NOX4: variants seen among roughly 807,000 people sequenced by gnomAD.
NOX4 encodes the protein kidney oxidase-1.
NOX4 carries 69 observed loss-of-function variants against 87.6 expected under a neutral mutation model. The ratio of observed to expected loss-of-function variants is 0.79; its 90% CI spans 0.65 to 0.96. NOX4 has a LOEUF of 0.96. Ranked by LOEUF, NOX4 falls within the 40% of genes least tolerant of loss-of-function variation. The probability of loss-of-function intolerance (pLI) is 0.00; values close to 1 mark genes in which losing one functional copy is unlikely to be tolerated. For missense variants in NOX4, 680 were observed against 681.5 expected (o/e 1.00, Z 0.02); for synonymous variants, 275 against 238.2 (o/e 1.15, Z -1.42).
At chr11:89,418,749 T>G (rs1942930787) in intron 8 of NOX4, among the ~76,000 whole-genome samples, 1 of 151,950 alleles carries the variant, frequency 6.6e-6, no homozygotes, top group East Asian at 1.9e-4. Context: ...TAAGACAGAA[T>G]GGACATCTTC....
intron 8 of NOX4, among the ~76,000 whole-genome samples, chr11:89,408,228 C>T (rs995281587): frequency 1.3e-5 from 2 of 152,032 alleles, no homozygotes; most frequent in African/African-American, 4.8e-5. Context: ...ATAATAAGTG[C>T]TCAATAAATA....
intron 2 of NOX4, among the ~76,000 whole-genome samples, chr11:89,452,400 A>G (rs1321142300): frequency 6.6e-6 from 1 of 151,682 alleles, no homozygotes; most frequent in African/African-American, 2.4e-5. Context: ...CACTAACTCT[A>G]CTCATCTTTC....
chr11:89,372,615 T>C (rs1477910645), intron 12 of NOX4, among the ~76,000 whole-genome samples: 1 of 152,004 alleles, frequency 6.6e-6, no homozygotes, highest in East Asian at 1.9e-4. Context: ...AAATTCTGTC[T>C]TTTCTGTGAA....
chr11:89,387,094 C>T (rs1940767011), intron 11 of NOX4, among the ~76,000 whole-genome samples: 1 of 152,030 alleles, frequency 6.6e-6, no homozygotes, highest in African/African-American at 2.4e-5. Context: ...TGAGAAACAT[C>T]GCCGATTATC....
At chr11:89,553,926 A>G in the NOX4 span, among the ~76,000 whole-genome samples, 1 of 150,918 alleles carries the variant, frequency 6.6e-6, no homozygotes, top group African/African-American at 2.4e-5. Context: ...ACTTGGAGGG[A>G]AGTGCCTACC....
chr11:89,401,765 C>T (rs1941867951), intron 9 of NOX4, among the ~76,000 whole-genome samples: 1 of 152,172 alleles, frequency 6.6e-6, no homozygotes, highest in African/African-American at 2.4e-5. Context: ...ATTTCTTTAT[C>T]AGAAAATCGA....
chr11:89,484,378 T>C (rs1411066259), intron 2 of NOX4, among the ~76,000 whole-genome samples: 1 of 152,136 alleles, frequency 6.6e-6, no homozygotes, highest in East Asian at 1.9e-4. Flanking sequence ...ACTATAATAC[T>C]AAAAATATAT....
At chr11:89,585,739 C>G in the NOX4 span, among the ~76,000 whole-genome samples, 1 of 152,212 alleles carries the variant, frequency 6.6e-6, no homozygotes, top group African/African-American at 2.4e-5. Context: ...AGTCACAAAT[C>G]TAACTTTCCA....
intron 11 of NOX4, among the ~76,000 whole-genome samples, chr11:89,398,349 C>T (rs997597027): frequency 1.3e-5 from 2 of 151,982 alleles, no homozygotes; most frequent in Non-Finnish European, 2.9e-5. Flanking sequence ...AACAAACCCA[C>T]AGCCAATATC....
intron 15 of NOX4, among the ~76,000 whole-genome samples, chr11:89,338,690 C>G (rs2135379400): frequency 6.6e-6 from 1 of 152,202 alleles, no homozygotes; most frequent in African/African-American, 2.4e-5. Flanking sequence ...GGACACCAAG[C>G]ATACTGCTGC....
chr11:89,495,257 A>G (rs10765211), upstream of NOX4, among the ~76,000 whole-genome samples: 71,214 of 152,052 alleles, frequency 0.47, 20,501 homozygotes, highest in Non-Finnish European at 0.67. Context: ...GATTACATGC[A>G]TGAGCCACTG....
chr11:89,384,816 C>T (rs958886999), intron 11 of NOX4, among the ~76,000 whole-genome samples: 8 of 152,256 alleles, frequency 5.3e-5, no homozygotes, highest in African/African-American at 1.7e-4. Flanking sequence ...AACAACTTGA[C>T]CTTACTGTTT....
At chr11:89,327,231 A>G (rs1209296996) in intron 17 of NOX4, among the ~76,000 whole-genome samples, 1 of 152,180 alleles carries the variant, frequency 6.6e-6, no homozygotes, top group African/African-American at 2.4e-5. Flanking sequence ...CAATTGCTAA[A>G]CAGGTGACTT....
At chr11:89,414,181 T>C (rs1942635974) in intron 8 of NOX4, among the ~76,000 whole-genome samples, 1 of 152,154 alleles carries the variant, frequency 6.6e-6, no homozygotes, top group South Asian at 2.1e-4. Context: ...GGCATTTGTT[T>C]CACTATTTTT....
At chr11:89,426,156 T>C (rs1255965545) in intron 7 of NOX4, among the ~76,000 whole-genome samples, 1 of 152,146 alleles carries the variant, frequency 6.6e-6, no homozygotes, top group Non-Finnish European at 1.5e-5. Flanking sequence ...AACAAACAAT[T>C]TCTCCAAAGT....
chr11:89,391,874 C>T (rs563632337), intron 11 of NOX4, among the ~76,000 whole-genome samples: 14 of 151,958 alleles, frequency 9.2e-5, no homozygotes, highest in African/African-American at 3.4e-4. Context: ...CCAAACTAGG[C>T]CATTGAAAAA....
At chr11:89,487,888 A>G (rs1465507505) in intron 2 of NOX4, among the ~76,000 whole-genome samples, 2 of 152,222 alleles carry the variant, frequency 1.3e-5, no homozygotes, top group African/African-American at 4.8e-5. Context: ...TAAGATTAGA[A>G]AAGATAAGCC....
At chr11:89,470,097 T>G (rs1945864431) in intron 2 of NOX4, among the ~76,000 whole-genome samples, 1 of 151,032 alleles carries the variant, frequency 6.6e-6, no homozygotes, top group African/African-American at 2.5e-5. Context: ...ATAATAATAA[T>G]AATAAGATAC....
Position 89,490,859 on chromosome 11 carries a change from C to T in NOX4, c.58-306G>A, listed in dbSNP as rs750979526. On this transcript the variant is annotated intron_variant, in intron 1 of 17. Transcript: ENST00000263317. ...ATTAATGACATCACCATACCCCAAG[C>T]AAACAGAAGTAATCTGGGAAAAGAA... 3 of 701,000 alleles carry T rather than the reference C, an allele frequency of 4.3e-6. No individual in the cohort carries two copies. In the South Asian group the frequency reaches 4.5e-5, roughly 11 times the overall value. The allele number at this position is 701,000 out of a possible 1,614,324, so 43.4% of individuals were successfully genotyped here. A position where few individuals can be genotyped will look rare whatever the true frequency, so the allele number is the denominator to read the frequency against.
Sources: gnomAD v4.1 joint callset for allele counts (sites outside exome capture counted in the v4.1 genomes callset) on GRCh38, gnomAD v4.1.1 for gene constraint, MANE v1.5 for transcripts, NCBI Gene and HGNC (gene_info 2026-07-23, HGNC 2026-07-21) for gene names.